Variants in SCAF11 observed in about 807,000 individuals in gnomAD.
SCAF11 encodes the protein SR-related CTD associated factor 11, also known as protein SCAF11.
A neutral mutation model predicts 140.5 loss-of-function variants in SCAF11; 47 were observed. That is an observed-to-expected ratio of 0.33 (90% CI 0.26 to 0.43). The LOEUF is 0.43. SCAF11 is among the 20% of genes least tolerant of loss of function. The pLI is 1.00. For missense variants in SCAF11, 1,645 were observed against 1,705.1 expected (o/e 0.96, Z 0.62); for synonymous variants, 557 against 579.4 (o/e 0.96, Z 0.55).
intron 1 of SCAF11, among the ~76,000 whole-genome samples, chr12:45,980,374 G>T (rs778133599): frequency 6.6e-6 from 1 of 152,148 alleles, no homozygotes; most frequent in African/African-American, 2.4e-5. Context: ...GATATGTTTA[G>T]CAACCATAGC....
chr12:45,949,003 G>A (rs1315299732), intron 4 of SCAF11, among the ~76,000 whole-genome samples: 1 of 152,176 alleles, frequency 6.6e-6, no homozygotes, highest in Non-Finnish European at 1.5e-5. Context: ...GGTGAAATGT[G>A]TTAGGACTCG....
intron 12 of SCAF11, 30 bp downstream of exon 12, chr12:45,924,698 T>C: frequency 6.5e-7 from 1 of 1,536,654 alleles, no homozygotes; most frequent in Non-Finnish European, 8.9e-7. Flanking sequence ...AATGGCTATA[T>C]TGATTAAACT....
In SCAF11 at chr12:45,972,865, GATATAT is replaced by G. The variant is rs200069087; in HGVS notation, c.-21-8683_-21-8678del. On this transcript the variant is annotated intron_variant, in intron 1 of 14. Coordinates refer to ENST00000369367, the MANE Select transcript of SCAF11 (RefSeq NM_004719.3). The stretch of plus-strand genomic sequence containing the variant: ...TAAAGCCAGTATATATATATATATC[GATATAT>G]ATATATATAGATATATATATAGATA... Among the ~76,000 whole-genome samples, 4 of 83,626 alleles carry G rather than the reference GATATAT, an allele frequency of 4.8e-5. No individual in the cohort carries two copies. In the South Asian group the frequency reaches 1.1e-3, roughly 22 times the overall value. 54.9% of individuals were successfully genotyped at this position (83,626 alleles called of 152,430 possible).
At chr12:45,990,703 TACTC>T (rs2136684999), upstream of SCAF11, 2 of 730,162 alleles carry the variant, frequency 2.7e-6, no homozygotes, top group Non-Finnish European at 3.7e-6. Flanking sequence ...ACATTCTGCT[TACTC>T]GCTCGCTCTG....
At chr12:45,935,931 A>C (rs1230152302) in intron 6 of SCAF11, among the ~76,000 whole-genome samples, 1 of 152,180 alleles carries the variant, frequency 6.6e-6, no homozygotes, top group Non-Finnish European at 1.5e-5. Flanking sequence ...TTTGGTGGGC[A>C]GTGATACGCC....
At chr12:45,971,715 T>C (rs182774194) in intron 1 of SCAF11, among the ~76,000 whole-genome samples, 10 of 152,240 alleles carry the variant, frequency 6.6e-5, no homozygotes, top group African/African-American at 2.2e-4. Context: ...TCCTTTTTTT[T>C]TGTTTTCCCC....
chr12:45,961,287 A>G (rs1565682083), intron 3 of SCAF11: 1 of 715,376 alleles, frequency 1.4e-6, no homozygotes, highest in Non-Finnish European at 2.6e-6. Flanking sequence ...CAAGGCTGAT[A>G]TAAAGAAGAA....
chr12:45,947,017 C>A (rs1275303427), intron 5 of SCAF11, among the ~76,000 whole-genome samples: 1 of 152,122 alleles, frequency 6.6e-6, no homozygotes, highest in African/African-American at 2.4e-5. Context: ...ATCTAAGGAG[C>A]TTACAGTGTT....
Position 45,951,634 on chromosome 12 carries a change from G to T in SCAF11, c.297+16C>A. 4.7e-6 allele frequency: 7 copies of T among 1,496,068 alleles called. No homozygotes were observed. The highest frequency in any genetic ancestry group is 1.3e-5 in the South Asian group (1 of 77,948). The allele number at this position is 1,496,068 out of a possible 1,614,324, so 92.7% of individuals were successfully genotyped here. On this transcript the variant is annotated intron_variant, in intron 4 of 14. Transcript: ENST00000369367. ...TAATTTTTATATAATTCATGTTGCAGAATAAAAAGACTTACCTTAACATAA... is the reference window on the plus strand; with the variant it reads ...TAATTTTTATATAATTCATGTTGCATAATAAAAAGACTTACCTTAACATAA...
chr12:45,983,785 A>ACACACACACAC (rs1565695884), intron 1 of SCAF11, among the ~76,000 whole-genome samples: 5 of 150,996 alleles, frequency 3.3e-5, no homozygotes, highest in African/African-American at 4.9e-5. Flanking sequence ...ACACACACAC[A>ACACACACACAC]AAGACTGAAC....
chr12:45,991,163 A>T (rs1268623073), upstream of SCAF11, among the ~76,000 whole-genome samples: 8 of 152,160 alleles, frequency 5.3e-5, no homozygotes, highest in African/African-American at 1.7e-4. Context: ...TTGGAAGCCC[A>T]CCTTTCCTCC....
chr12:45,961,323 C>G (rs1346688987), intron 3 of SCAF11: 1 of 715,650 alleles, frequency 1.4e-6, no homozygotes, highest in Non-Finnish European at 2.6e-6. Context: ...TGAAAAGTCC[C>G]TGAAAAATAT....
chr12:45,926,976 A>G lies in SCAF11; in HGVS notation c.2725T>C (p.Ser909Pro). 1 of 1,612,368 alleles carries G rather than the reference A, an allele frequency of 6.2e-7. No homozygotes were observed. The highest frequency in any genetic ancestry group is 8.5e-7 in the Non-Finnish European group (1 of 1,179,942). Residue 909 changes from serine to proline, a missense_variant, in exon 11 of 15, where the codon TCC becomes CCC. Physicochemically the swap from Ser to Pro is moderately conservative, Grantham distance 74. This residue lies in a region of SCAF11 where 1,582 missense variants were observed against 1,609.2 expected (regional missense o/e 0.98). Coordinates refer to ENST00000369367, the MANE Select transcript of SCAF11 (RefSeq NM_004719.3). ...KDSSPGEKSR[S>P]QSRERESDRD... ...TCACTTTCTCGTTCTCTGCTCTGGG[A>G]CCTGGATTTTTCTCCTGGGGAAGAA...
upstream of SCAF11, chr12:45,991,912 G>T: frequency 7.8e-7 from 1 of 1,287,030 alleles, no homozygotes; most frequent in Middle Eastern, 2.1e-4. Context: ...TCAGCCGCGC[G>T]CTCACACGTT....
chr12:45,924,728 CTGCAAT>C lies in SCAF11; in HGVS notation c.3900_3905del (p.Leu1301_Gln1302del). On this transcript the variant is annotated inframe_deletion and splice_region_variant, in exon 12 of 15. Transcript: ENST00000369367. ...TAAACTTGAGTTGCTAAAAACATACCTGCAATTGCTTTCCATCTGGTTGTGAAGCAA... is the reference window on the plus strand; with the variant it reads ...TAAACTTGAGTTGCTAAAAACATACCTGCTTTCCATCTGGTTGTGAAGCAA... 6.3e-7 allele frequency: 1 copy of C among 1,597,770 alleles called. No homozygotes were observed. The highest frequency in any genetic ancestry group is 8.6e-7 in the Non-Finnish European group (1 of 1,168,810).
At position 45,927,078 on chromosome 12, in the gene SCAF11, T is replaced by C. The variant is rs776163109; in HGVS notation, c.2623A>G (p.Ser875Gly). The C allele has an allele frequency of 2.4e-5, 38 of 1,614,042 alleles. No homozygotes were observed. Among genetic ancestry groups the C allele is most frequent in the Non-Finnish European group, 3.1e-5 (37 of 1,180,016 alleles). ...GGGGACAGTGATTCAGATCTTCTGC[T>C]TTCCCTAGTAGTATCCCTTTTTGGA... is the stretch of plus-strand genomic sequence containing the variant. ...RSPKRDTTRE[S>G]RRSESLSPRR... is the part of the protein sequence containing the mutation. The change falls in exon 11 of 15, where the codon AGC becomes GGC. Residue 875 changes from serine (S) to glycine (G), a missense_variant. Ser to Gly is a moderately conservative substitution (Grantham distance 56, BLOSUM62 0). Around this residue, in one of 2 missense-constraint regions of SCAF11, gnomAD observed 1,582 missense variants for 1,609.2 expected, o/e 0.98. Coordinates refer to ENST00000369367, the MANE Select transcript of SCAF11 (RefSeq NM_004719.3).
intron 1 of SCAF11, among the ~76,000 whole-genome samples, chr12:45,985,466 C>G (rs1946441313): frequency 6.6e-6 from 1 of 152,166 alleles, no homozygotes; most frequent in African/African-American, 2.4e-5. Flanking sequence ...GTACCTTAAT[C>G]TGATCTAGAG....
intron 6 of SCAF11, among the ~76,000 whole-genome samples, chr12:45,934,779 T>A (rs1052337722): frequency 6.6e-5 from 10 of 152,246 alleles, no homozygotes; most frequent in African/African-American, 2.4e-4. Context: ...GTTAAAATTC[T>A]AATCAACATT....
In SCAF11 at chr12:45,925,731, C is replaced by T. The variant is rs571422615; in HGVS notation, c.3559+411G>A. On this transcript the variant is annotated intron_variant, in intron 11 of 14. Transcript: ENST00000369367. Reference sequence around the variant, plus strand: ...TCAACAGCCTTTATCTTGCAATGTTCTTAACAAGAAAAAAAACAAGGAAAT... The same window carrying T: ...TCAACAGCCTTTATCTTGCAATGTTTTTAACAAGAAAAAAAACAAGGAAAT... Among the ~76,000 whole-genome samples the T allele has an allele frequency of 4.0e-5, 6 of 151,244 alleles. No homozygotes were observed. The South Asian group carries it at 1.3e-3, about 32-fold the overall frequency.
Sources: allele counts gnomAD v4.1 joint callset (sites outside exome capture counted in the v4.1 genomes callset), GRCh38; gene constraint gnomAD v4.1.1; regional missense constraint gnomAD v4.1.1; transcripts MANE v1.5; gene names NCBI Gene and HGNC (gene_info 2026-07-23, HGNC 2026-07-21).